The following ZNF280C variants were observed in gnomAD, a reference collection of about 807,000 sequenced individuals.
The protein encoded by ZNF280C is suppressor of hairy wing homolog 3.
Under a neutral mutation model 53.6 loss-of-function variants are expected in ZNF280C, and 14 were observed. That is an observed-to-expected ratio of 0.26 (90% CI 0.17 to 0.41). ZNF280C has a LOEUF of 0.41. ZNF280C is among the 10% of genes least tolerant of loss of function. The pLI, the probability that ZNF280C is intolerant of heterozygous loss-of-function variation, is 1.00. For missense variants in ZNF280C, 416 were observed against 547.1 expected (o/e 0.76, Z 2.39); for synonymous variants, 203 against 181.1 (o/e 1.12, Z -0.97).
chrX:130,204,812 C>A lies in ZNF280C; in HGVS notation c.*165G>T. On this transcript the variant is annotated 3_prime_UTR_variant, in exon 19 of 19. Transcript: ENST00000370978. The stretch of plus-strand genomic sequence containing the variant: ...CTGACGCAAAGATAAGGTGGAATAA[C>A]AATGTAGTGGCATCTGAAAGCTGAA... The A allele has an allele frequency of 2.6e-6, 1 of 382,903 alleles. No homozygotes were observed. Among genetic ancestry groups the A allele is most frequent in the Non-Finnish European group, 4.5e-6 (1 of 222,130 alleles). The allele number at this position is 382,903 out of a possible 1,213,427, so 31.6% of individuals were successfully genotyped here.
chrX:130,247,787 C>T (rs1338122303), intron 2 of ZNF280C, among the ~76,000 whole-genome samples: 3 of 110,188 alleles, frequency 2.7e-5, no homozygotes, highest in African/African-American at 6.6e-5. Context: ...ACTAGAAAAA[C>T]GGAACCAGAT....
chrX:130,225,782 A>C (rs998801581), intron 12 of ZNF280C, among the ~76,000 whole-genome samples: 2 of 111,815 alleles, frequency 1.8e-5, no homozygotes, highest in African/African-American at 6.5e-5. Flanking sequence ...AGTTGATTTC[A>C]TGATCATCCA....
chrX:130,221,700 T>C (rs945096713), intron 12 of ZNF280C, among the ~76,000 whole-genome samples: 1 of 111,693 alleles, frequency 9.0e-6, no homozygotes, highest in African/African-American at 3.3e-5. Context: ...AAAAAATTTA[T>C]AATCTTTCAA....
chrX:130,213,169 T>C (rs1338972410), intron 15 of ZNF280C, among the ~76,000 whole-genome samples: 1 of 110,122 alleles, frequency 9.1e-6, no homozygotes, highest in African/African-American at 3.3e-5. Flanking sequence ...CTGGCTAACA[T>C]GGTGAAACCC....
chrX:130,255,430 G>A (rs1158065303), intron 2 of ZNF280C, among the ~76,000 whole-genome samples: 3 of 105,014 alleles, frequency 2.9e-5, no homozygotes, highest in Non-Finnish European at 5.8e-5. Context: ...GTGAGCCACC[G>A]CGCCCGGCCG....
chrX:130,236,444 T>G, intron 7 of ZNF280C, 25 bp downstream of exon 7: 1 of 1,163,470 alleles, frequency 8.6e-7, no homozygotes, highest in Non-Finnish European at 1.1e-6. Flanking sequence ...ACTATTTTTT[T>G]TTACATGTCA....
chrX:130,262,643 G>A (rs1399533664), intron 1 of ZNF280C, among the ~76,000 whole-genome samples: 1 of 111,552 alleles, frequency 9.0e-6, no homozygotes, highest in African/African-American at 3.3e-5. Context: ...GGGTCTCTAG[G>A]TTCTGCAACT....
At position 130,216,057 on chromosome X, in the gene ZNF280C, T is replaced by C. The variant is rs146054124; in HGVS notation, c.1572A>G (p.Pro524=). Residue 524 remains proline (P), a synonymous_variant, in exon 14 of 19, where the codon CCA becomes CCG. Transcript: ENST00000370978. ...ASLGPLQSKL[P]TAPFGCAPGT... ...CTGGAGCGCAACCGAAAGGTGCAGT[T>C]GGTAATTTTGACTGGAGAGGTCCAA... 5.0e-6 allele frequency: 6 copies of C among 1,209,233 alleles called. No individual in the cohort carries two copies. The African/African-American group carries it at 1.1e-4, about 21-fold the overall frequency.
At chrX:130,213,289 C>G (rs1172778319) in intron 15 of ZNF280C, among the ~76,000 whole-genome samples, 1 of 112,371 alleles carries the variant, frequency 8.9e-6, no homozygotes, top group Non-Finnish European at 1.9e-5. Flanking sequence ...AGCAGAATGG[C>G]ATGAACCCGG....
chrX:130,259,301 T>G (rs1216829095), intron 2 of ZNF280C, among the ~76,000 whole-genome samples: 1 of 112,077 alleles, frequency 8.9e-6, no homozygotes, highest in African/African-American at 3.2e-5. Flanking sequence ...ATCTATGGGG[T>G]AAGAAACTAG....
rs757062577 is a variant in ZNF280C, at chrX:130,236,448, C to A, written c.664+21G>T. On this transcript the variant is annotated intron_variant, in intron 7 of 18. Transcript: ENST00000370978. Reference sequence around the variant, plus strand: ...ATAAAAATAATACTATTTTTTTTTACATGTCAGATTTCATGTTTACCTTTT... The same window carrying A: ...ATAAAAATAATACTATTTTTTTTTAAATGTCAGATTTCATGTTTACCTTTT... 6.9e-6 allele frequency: 8 copies of A among 1,157,540 alleles called. No individual in the cohort carries two copies. In the South Asian group the frequency reaches 1.6e-4, roughly 24 times the overall value.
chrX:130,226,838 G>C lies in ZNF280C; in HGVS notation c.1316C>G (p.Thr439Ser). Reference protein sequence around the residue: ...EAHFRAAHENTKNLLCPFCLK... With the variant: ...EAHFRAAHENSKNLLCPFCLK... ...GCAAAATGGACATAGCAAGTTCTTAGTGTTTTCATGGGCTGCTCTAAAATG... is the reference window on the plus strand; with the variant it reads ...GCAAAATGGACATAGCAAGTTCTTACTGTTTTCATGGGCTGCTCTAAAATG... Residue 439 changes from threonine to serine, a missense_variant, in exon 12 of 19, where the codon ACT becomes AGT. Thr to Ser is a moderately conservative substitution (Grantham distance 58). Transcript: ENST00000370978. 8.3e-7 allele frequency: 1 copy of C among 1,209,826 alleles called. No homozygotes were observed. The highest frequency in any genetic ancestry group is 1.1e-6 in the Non-Finnish European group (1 of 894,244).
At chrX:130,213,008 T>C (rs2032056039) in intron 15 of ZNF280C, among the ~76,000 whole-genome samples, 1 of 112,070 alleles carries the variant, frequency 8.9e-6, no homozygotes, top group Admixed American at 9.5e-5. Flanking sequence ...TAGGCAAGGT[T>C]AACAACTGAG....
chrX:130,243,797 T>C lies in ZNF280C; in HGVS notation c.244+3A>G. The C allele has an allele frequency of 8.4e-7, 1 of 1,190,491 alleles. No individual in the cohort carries two copies. On this transcript the variant is annotated splice_donor_region_variant and intron_variant, in intron 4 of 18. Transcript: ENST00000370978. ...AAATTGAAATACTACAGTAATACTG[T>C]ACCTGGACTGTGTGGCTCACTCTTT...
chrX:130,254,889 A>C (rs1387539346), intron 2 of ZNF280C, among the ~76,000 whole-genome samples: 1 of 110,264 alleles, frequency 9.1e-6, no homozygotes, highest in South Asian at 4.0e-4. Context: ...AAACCTGCAC[A>C]TGTATCCCTG....
At chrX:130,205,492 C>A in intron 16 of ZNF280C, 77 bp from the exon 17 acceptor site, 1 of 672,506 alleles carries the variant, frequency 1.5e-6, no homozygotes, top group Non-Finnish European at 2.2e-6. Context: ...ATTACTTTTC[C>A]ATGTACTAAC....
In ZNF280C at chrX:130,249,438, C is replaced by T. The variant is rs781242838; in HGVS notation, c.32-2433G>A. Among the ~76,000 whole-genome samples, 5 of 112,089 alleles carry T rather than the reference C, an allele frequency of 4.5e-5. No individual in the cohort carries two copies. In the South Asian group the frequency reaches 1.1e-3, roughly 25 times the overall value. ...TTGGCGTGCTGGGACAAGAGGTCCA[C>T]GAGCACCTCAGTCCCCCTAGCACAG... On this transcript the variant is annotated intron_variant, in intron 2 of 18. Coordinates refer to ENST00000370978, the MANE Select transcript of ZNF280C (RefSeq NM_017666.5).
intron 3 of ZNF280C, among the ~76,000 whole-genome samples, chrX:130,245,348 A>G (rs1434138798): frequency 8.9e-6 from 1 of 111,905 alleles, no homozygotes; most frequent in Non-Finnish European, 1.9e-5. Context: ...GTAATATTTC[A>G]GCATAAAAAT....
intron 2 of ZNF280C, among the ~76,000 whole-genome samples, chrX:130,250,601 T>C (rs1428700463): frequency 9.0e-6 from 1 of 111,703 alleles, no homozygotes; most frequent in African/African-American, 3.3e-5. Context: ...AAGCCCTGAA[T>C]AGAATAATAA....
Sources: allele counts gnomAD v4.1 joint callset (sites outside exome capture counted in the v4.1 genomes callset), GRCh38; gene constraint gnomAD v4.1.1; transcripts MANE v1.5; gene names NCBI Gene and HGNC (gene_info 2026-07-23, HGNC 2026-07-21).